Variants in R3HDM2 observed in about 807,000 individuals in gnomAD.
The protein encoded by R3HDM2 is R3H domain-containing protein 2.
In R3HDM2, 38 loss-of-function variants were observed where a neutral mutation model predicts 124.5. The observed-to-expected ratio is 0.31, with a 90% CI of 0.24 to 0.40. The LOEUF (loss-of-function observed/expected upper bound fraction) is 0.40, where lower values mean the gene tolerates loss of function less well. Among genes scored for constraint, R3HDM2 ranks in the 10% least tolerant of loss-of-function variants. R3HDM2 has a pLI of 1.00. For synonymous variants in R3HDM2, 391 were observed against 448.0 expected (o/e 0.87, Z 1.61); for missense variants, 869 against 1,236.9 (o/e 0.70, Z 4.46).
intron 21 of R3HDM2, among the ~76,000 whole-genome samples, chr12:57,256,935 C>A (rs2039219984): frequency 1.3e-5 from 2 of 152,042 alleles, no homozygotes; most frequent in Non-Finnish European, 2.9e-5. Context: ...CCTGCTTCAG[C>A]CTCCCGAGTA....
At chr12:57,427,744 G>A (rs1042976820) in intron 1 of R3HDM2, among the ~76,000 whole-genome samples, 1 of 151,656 alleles carries the variant, frequency 6.6e-6, no homozygotes, top group African/African-American at 2.4e-5. Flanking sequence ...GGGATAGAGA[G>A]TTATGTAAAT....
chr12:57,430,992 G>A lies in R3HDM2; in HGVS notation c.-378C>T, dbSNP rs1395235276. The A allele has an allele frequency of 1.3e-5, 2 of 152,336 alleles. No homozygotes were observed. Among genetic ancestry groups the A allele is most frequent in the African/African-American group, 2.4e-5 (1 of 41,394 alleles). 9.4% of individuals were successfully genotyped at this position (152,336 alleles called of 1,614,324 possible). On this transcript the variant is annotated 5_prime_UTR_variant, in exon 1 of 24. Transcript: ENST00000402412. ...AAAAGGGGGGAGGGGAAAATCAGAA[G>A]GGGAAGAAAAGCCCAGAGTCCGCCC...
intron 1 of R3HDM2, among the ~76,000 whole-genome samples, chr12:57,403,970 C>G (rs1238201722): frequency 6.6e-6 from 1 of 151,248 alleles, no homozygotes; most frequent in South Asian, 2.1e-4. Flanking sequence ...CATATTTTCT[C>G]TAGTCTCAAA....
intron 19 of R3HDM2, among the ~76,000 whole-genome samples, chr12:57,263,070 T>C (rs569912613): frequency 3.3e-4 from 50 of 152,246 alleles, no homozygotes; most frequent in Non-Finnish European, 6.5e-4. Context: ...ACTGTTGTTT[T>C]AGTTTACTTA....
chr12:57,420,604 C>T (rs1416074101), intron 1 of R3HDM2, among the ~76,000 whole-genome samples: 5 of 151,068 alleles, frequency 3.3e-5, no homozygotes, highest in East Asian at 1.9e-4. Flanking sequence ...GTAATCCTCT[C>T]GCCTAGGCCC....
intron 2 of R3HDM2, among the ~76,000 whole-genome samples, chr12:57,328,183 C>T (rs1453883587): frequency 1.3e-5 from 2 of 151,920 alleles, no homozygotes; most frequent in Non-Finnish European, 2.9e-5. Context: ...GCGATCCTCC[C>T]GCCTCAACCT....
chr12:57,262,657 G>A (rs1392129015), intron 19 of R3HDM2, among the ~76,000 whole-genome samples: 1 of 152,228 alleles, frequency 6.6e-6, no homozygotes, highest in African/African-American at 2.4e-5. Context: ...ACTGTCCTCT[G>A]AAGGTGACAG....
At chr12:57,317,297 G>A (rs2055287489) in intron 2 of R3HDM2, among the ~76,000 whole-genome samples, 4 of 150,388 alleles carry the variant, frequency 2.7e-5, no homozygotes, top group Non-Finnish European at 4.4e-5. Context: ...CAACCTCTGG[G>A]GCTCAGCCTC....
chr12:57,390,922 G>C (rs1393825686), intron 2 of R3HDM2, among the ~76,000 whole-genome samples: 2 of 151,158 alleles, frequency 1.3e-5, no homozygotes, highest in Admixed American at 6.6e-5. Flanking sequence ...TGAGACAGAA[G>C]AATCACTTGA....
chr12:57,275,691 T>C (rs902784864), intron 14 of R3HDM2, among the ~76,000 whole-genome samples: 1 of 152,064 alleles, frequency 6.6e-6, no homozygotes, highest in Non-Finnish European at 1.5e-5. Context: ...AAAGAAGATA[T>C]ACAAATGGCC....
In R3HDM2 at chr12:57,303,157, C is replaced by G. The variant is rs1372458966; in HGVS notation, c.207+19G>C. ...ATTACTAATAACATTAGAAAAGAAGCTAGAGGAAGGGCTCTCACCTTGGCT... is the reference window on the plus strand; with the variant it reads ...ATTACTAATAACATTAGAAAAGAAGGTAGAGGAAGGGCTCTCACCTTGGCT... On this transcript the variant is annotated intron_variant, in intron 4 of 23. Transcript: ENST00000402412. The G allele has an allele frequency of 1.3e-6, 2 of 1,490,618 alleles. No homozygotes were observed. The highest frequency in any genetic ancestry group is 1.8e-6 in the Non-Finnish European group (2 of 1,091,766). The allele number at this position is 1,490,618 out of a possible 1,614,324, so 92.3% of individuals were successfully genotyped here. A position where few individuals can be genotyped will look rare whatever the true frequency, so the allele number is the denominator to read the frequency against.
At chr12:57,394,345 A>G (rs1436613035) in intron 2 of R3HDM2, among the ~76,000 whole-genome samples, 3 of 151,286 alleles carry the variant, frequency 2.0e-5, no homozygotes, top group Non-Finnish European at 4.4e-5. Context: ...GTGGTGGCTC[A>G]TGCCTGTAAT....
At chr12:57,392,804 CT>C (rs1183514418) in intron 2 of R3HDM2, among the ~76,000 whole-genome samples, 19,218 of 127,418 alleles carry the variant, frequency 0.15, 1,366 homozygotes, top group Admixed American at 0.23. Flanking sequence ...CTATAGTACA[CT>C]TTTTTTTTTT....
chr12:57,430,729 G>T lies in R3HDM2; in HGVS notation c.-115C>A. ...CGGGAGGTGGCCTCACCTCGCACGG[G>T]CCTTGGCGGGGAGGGCGCCCACGTC... On this transcript the variant is annotated 5_prime_UTR_variant, in exon 1 of 24. Transcript: ENST00000402412. The T allele has an allele frequency of 3.4e-6, 1 of 297,484 alleles. No individual in the cohort carries two copies. Among genetic ancestry groups the T allele is most frequent in the Non-Finnish European group, 4.9e-6 (1 of 202,530 alleles). The allele number at this position is 297,484 out of a possible 1,614,324, so 18.4% of individuals were successfully genotyped here.
intron 1 of R3HDM2, among the ~76,000 whole-genome samples, chr12:57,429,948 A>G (rs192432762): frequency 6.6e-6 from 1 of 152,338 alleles, no homozygotes; most frequent in Admixed American, 6.5e-5. Context: ...TACGCATATC[A>G]GACAGGACTC....
intron 2 of R3HDM2, among the ~76,000 whole-genome samples, chr12:57,334,335 T>C (rs1290181211): frequency 2.6e-5 from 4 of 152,230 alleles, no homozygotes; most frequent in Non-Finnish European, 5.9e-5. Context: ...TGTCACCTAT[T>C]ATCGAATAAT....
chr12:57,288,372 G>A (rs959261047), intron 12 of R3HDM2, among the ~76,000 whole-genome samples: 1 of 150,986 alleles, frequency 6.6e-6, no homozygotes, highest in Non-Finnish European at 1.5e-5. Context: ...AAAGGTGTCC[G>A]TATATGTCTC....
intron 14 of R3HDM2, among the ~76,000 whole-genome samples, chr12:57,275,382 G>GA (rs2044441829): frequency 6.6e-6 from 1 of 151,584 alleles, no homozygotes; most frequent in East Asian, 1.9e-4. Flanking sequence ...TAATATATTG[G>GA]AAAAACCCTT....
At chr12:57,279,246 G>A (rs533975452) in intron 14 of R3HDM2, among the ~76,000 whole-genome samples, 4 of 148,112 alleles carry the variant, frequency 2.7e-5, no homozygotes, top group Admixed American at 2.0e-4. Context: ...GCAGTGGCGC[G>A]ATCTCGGCTC....
Sources: allele counts gnomAD v4.1 joint callset (sites outside exome capture counted in the v4.1 genomes callset), GRCh38; gene constraint gnomAD v4.1.1; transcripts MANE v1.5; gene names NCBI Gene and HGNC (gene_info 2026-07-23, HGNC 2026-07-21).